Variants in ADCK1 observed in about 807,000 individuals in gnomAD.
ADCK1 encodes aarF domain-containing protein kinase 1.
ADCK1 carries 41 observed loss-of-function variants against 52.3 expected under a neutral mutation model. The ratio of observed to expected loss-of-function variants is 0.78; its 90% CI spans 0.61 to 1.02. ADCK1 has a LOEUF of 1.02. Among genes scored for constraint, ADCK1 ranks in the 50% least tolerant of loss-of-function variants. ADCK1 has a pLI of 0.00. For missense variants in ADCK1, 658 were observed against 679.5 expected (o/e 0.97, Z 0.35); for synonymous variants, 250 against 274.6 (o/e 0.91, Z 0.89).
At chr14:77,826,293 T>TGA (rs1296208614) in intron 3 of ADCK1, among the ~76,000 whole-genome samples, 1 of 152,140 alleles carries the variant, frequency 6.6e-6, no homozygotes, top group African/African-American at 2.4e-5. Context: ...GATAAAGGAA[T>TGA]GAGTGAAGGG....
chr14:77,895,377 A>T (rs1385420047), intron 5 of ADCK1, among the ~76,000 whole-genome samples: 1 of 152,246 alleles, frequency 6.6e-6, no homozygotes, highest in African/African-American at 2.4e-5. Context: ...AGAGAAGCAG[A>T]CAAACTCTTT....
At chr14:77,875,292 G>A (rs1240122694) in intron 4 of ADCK1, among the ~76,000 whole-genome samples, 1 of 152,118 alleles carries the variant, frequency 6.6e-6, no homozygotes, top group East Asian at 1.9e-4. Flanking sequence ...GGCATGGACG[G>A]TGGTGGGTGT....
At chr14:77,872,189 G>A (rs1225394571) in intron 4 of ADCK1, among the ~76,000 whole-genome samples, 3 of 152,136 alleles carry the variant, frequency 2.0e-5, no homozygotes, top group Non-Finnish European at 4.4e-5. Flanking sequence ...AGAGATTGGC[G>A]TCCCTTTCCC....
chr14:77,830,037 G>A (rs1407314583), intron 3 of ADCK1, among the ~76,000 whole-genome samples: 2 of 151,396 alleles, frequency 1.3e-5, no homozygotes, highest in Non-Finnish European at 3.0e-5. Flanking sequence ...CTCAAGGCCA[G>A]GTTTTAAGCC....
In ADCK1 at chr14:77,923,386, G is replaced by GA. The variant is rs2084106671; in HGVS notation, c.859-1069dup. 6.6e-6 allele frequency: 1 copy of GA among 152,490 alleles called. No individual in the cohort carries two copies. Among genetic ancestry groups the GA allele is most frequent in the Non-Finnish European group, 1.5e-5 (1 of 68,170 alleles). 9.4% of individuals were successfully genotyped at this position (152,490 alleles called of 1,614,324 possible). A position where few individuals can be genotyped will look rare whatever the true frequency, so the allele number is the denominator to read the frequency against. ...CGGATTGCTGGGGAAGAGAAAGAGT[G>GA]AATATGGCTGGAATGTCAGTGTGGT... On this transcript the variant is annotated intron_variant, in intron 7 of 10. Transcript: ENST00000238561. This position sits in a 1 kb window ranked among gnomAD's most constrained non-coding sequence, Gnocchi z 4.3.
intron 3 of ADCK1, among the ~76,000 whole-genome samples, chr14:77,852,883 G>GTATATATATATATA (rs1287274541): frequency 2.7e-4 from 5 of 18,514 alleles, no homozygotes; most frequent in Non-Finnish European, 4.0e-4. Context: ...TTTTATGTGT[G>GTATATATATATATA]TATATATATA....
Position 77,818,281 on chromosome 14 carries a change from G to T in ADCK1, c.-11-687G>T, listed in dbSNP as rs550954260. ...ATTCTTCCTCTCTCCTGATCCCTTA[G>T]CCCTCTCTGCTTTTTTTTGAGACAG... is the stretch of plus-strand genomic sequence containing the variant. On this transcript the variant is annotated intron_variant, in intron 1 of 10. Coordinates refer to ENST00000238561, the MANE Select transcript of ADCK1 (RefSeq NM_020421.4). Among the ~76,000 whole-genome samples, 148 of 151,740 alleles carry T rather than the reference G, an allele frequency of 9.8e-4. 1 individual carries two copies. Among genetic ancestry groups the T allele is most frequent in the African/African-American group, 3.4e-3 (140 of 41,408 alleles).
At chr14:77,837,433 C>T (rs61053946) in intron 3 of ADCK1, among the ~76,000 whole-genome samples, 20,543 of 152,238 alleles carry the variant, frequency 0.13, 1,477 homozygotes, top group Middle Eastern at 0.18. Context: ...CCACCATGCC[C>T]AGCTTCATCT....
chr14:77,832,072 G>A (rs1048261833), intron 3 of ADCK1, among the ~76,000 whole-genome samples: 26 of 152,034 alleles, frequency 1.7e-4, no homozygotes, highest in Non-Finnish European at 3.2e-4. Context: ...CTACCTTCCG[G>A]GTTCAAGCAA....
chr14:77,823,065 C>T (rs578204042), intron 3 of ADCK1, among the ~76,000 whole-genome samples: 1 of 152,264 alleles, frequency 6.6e-6, no homozygotes, highest in East Asian at 1.9e-4. Flanking sequence ...TGGGGCCTCT[C>T]GTAGGCCTCT....
At chr14:77,903,379 T>C (rs992345441) in intron 6 of ADCK1, among the ~76,000 whole-genome samples, 1 of 152,256 alleles carries the variant, frequency 6.6e-6, no homozygotes, top group Admixed American at 6.5e-5. Context: ...GCAAAGACTT[T>C]ACCTCTCAGT....
chr14:77,839,379 G>C (rs538751773), intron 3 of ADCK1, among the ~76,000 whole-genome samples: 2 of 152,284 alleles, frequency 1.3e-5, no homozygotes, highest in African/African-American at 4.8e-5. Flanking sequence ...AGGATGGGCA[G>C]GTTCCGGGAA....
At chr14:77,883,644 G>C (rs78186513) in intron 4 of ADCK1, among the ~76,000 whole-genome samples, 1 of 152,096 alleles carries the variant, frequency 6.6e-6, no homozygotes. Flanking sequence ...AGGAGGGTGT[G>C]GGCGTGTGAC....
chr14:77,844,332 C>T (rs1034953429), intron 3 of ADCK1, among the ~76,000 whole-genome samples: 35 of 152,144 alleles, frequency 2.3e-4, no homozygotes, highest in African/African-American at 7.5e-4. Context: ...CCAACCACCT[C>T]GACCTCCCAA....
chr14:77,813,009 AT>A (rs534379675), intron 1 of ADCK1, among the ~76,000 whole-genome samples: 3 of 149,816 alleles, frequency 2.0e-5, no homozygotes, highest in Non-Finnish European at 3.0e-5. Flanking sequence ...GTTTCTTAAA[AT>A]TTTTTTTTTG....
Position 77,859,270 on chromosome 14 carries a change from G to C in ADCK1, c.414G>C (p.Leu138=). Residue 138 remains leucine (L), a synonymous_variant, in exon 4 of 11, where the codon CTG becomes CTC. Coordinates refer to ENST00000238561, the MANE Select transcript of ADCK1 (RefSeq NM_020421.4). ...TCCGCCAGGTCATCCGAGAAGATCT[G>C]GGCAAGGAGGTACCCACCTTTGCAG... ...QEIRQVIRED[L]GKEIHDLFQS... The C allele has an allele frequency of 6.2e-7, 1 of 1,613,336 alleles. No individual in the cohort carries two copies. The highest frequency in any genetic ancestry group is 2.2e-5 in the East Asian group (1 of 44,862).
At chr14:77,919,930 T>A (rs1373328974) in intron 7 of ADCK1, among the ~76,000 whole-genome samples, 1 of 152,198 alleles carries the variant, frequency 6.6e-6, no homozygotes, top group Non-Finnish European at 1.5e-5. Flanking sequence ...TTGATGGGAT[T>A]GTTTGTTCTT....
chr14:77,854,555 CTTTTTTTT>C (rs60062127), intron 3 of ADCK1, among the ~76,000 whole-genome samples: 5 of 128,590 alleles, frequency 3.9e-5, no homozygotes, highest in Admixed American at 8.0e-5. Flanking sequence ...TCGGAGTGGG[CTTTTTTTT>C]TTTTTTTTTT....
At chr14:77,815,046 G>A (rs1355899043) in intron 1 of ADCK1, among the ~76,000 whole-genome samples, 3 of 149,464 alleles carry the variant, frequency 2.0e-5, no homozygotes, top group Admixed American at 6.7e-5. Context: ...GTGACACCAC[G>A]CCCAGCTAAT....
Sources: allele counts gnomAD v4.1 joint callset (sites outside exome capture counted in the v4.1 genomes callset), GRCh38; gene constraint gnomAD v4.1.1; non-coding constraint Gnocchi (gnomAD v3.1); transcripts MANE v1.5; gene names NCBI Gene and HGNC (gene_info 2026-07-23, HGNC 2026-07-21).